PARD3B: variants seen among roughly 807,000 people sequenced by gnomAD.
The protein encoded by PARD3B is partitioning defective 3 homolog B.
PARD3B carries 103 observed loss-of-function variants against 130.2 expected under a neutral mutation model. The ratio of observed to expected loss-of-function variants is 0.79; its 90% CI spans 0.67 to 0.93. The LOEUF (loss-of-function observed/expected upper bound fraction) is 0.93. PARD3B is among the 40% of genes least tolerant of loss of function. The pLI is 0.00. For synonymous variants in PARD3B, 583 were observed against 553.2 expected (o/e 1.05, Z -0.76); for missense variants, 1,609 against 1,499.2 (o/e 1.07, Z -1.21).
rs1232084015 is a variant in PARD3B, at chr2:205,142,206, G to A, written c.1434+16469G>A. On this transcript the variant is annotated intron_variant, in intron 10 of 22. Transcript: ENST00000406610. The surrounding 1 kb of genome is among the most constrained non-coding windows in gnomAD (Gnocchi z 4.3). The stretch of plus-strand genomic sequence containing the variant: ...GGATTTGATAGGTAAGAGTTTGCTA[G>A]TGGGTGGCAAAGCAGGGTAAAGAGA... Among the ~76,000 whole-genome samples the A allele has an allele frequency of 1.3e-5, 2 of 152,206 alleles. No individual in the cohort carries two copies. Among genetic ancestry groups the A allele is most frequent in the Admixed American group, 1.3e-4 (2 of 15,280 alleles).
chr2:205,185,716 AT>A, intron 13 of PARD3B, 47 bp from the exon 14 acceptor site: 1 of 1,517,562 alleles, frequency 6.6e-7, no homozygotes, highest in Non-Finnish European at 9.1e-7. Flanking sequence ...CAGGCATCGA[AT>A]GGTTCTGCTT....
chr2:205,155,867 G>A (rs2125706044), intron 10 of PARD3B, among the ~76,000 whole-genome samples: 1 of 152,174 alleles, frequency 6.6e-6, no homozygotes, highest in African/African-American at 2.4e-5. Flanking sequence ...GTCTGTTCAT[G>A]TCCTTCGCCC....
chr2:204,568,274 A>T (rs1214211891), intron 1 of PARD3B, among the ~76,000 whole-genome samples: 1 of 152,188 alleles, frequency 6.6e-6, no homozygotes, highest in East Asian at 1.9e-4. Flanking sequence ...TTGATTTACA[A>T]ATTTGTTTAC....
At chr2:205,024,311 G>A (rs1002173065) in intron 3 of PARD3B, among the ~76,000 whole-genome samples, 9 of 151,480 alleles carry the variant, frequency 5.9e-5, no homozygotes, top group Non-Finnish European at 1.0e-4. Context: ...GGGATTACAG[G>A]TGCACCCCCA....
Position 205,424,062 on chromosome 2 carries a change from C to G in PARD3B, c.2742-16308C>G, listed in dbSNP as rs556133217. 7.2e-5 allele frequency among the ~76,000 whole-genome samples: 11 copies of G among 152,234 alleles called. No individual in the cohort carries two copies. In the Middle Eastern group the frequency reaches 0.01, roughly 141 times the overall value. On this transcript the variant is annotated intron_variant, in intron 19 of 22. Transcript: ENST00000406610. ...GATTTATCTATTTAACAAACCTGCA[C>G]TTGTACCCCTGAACTTAAAAGTTTT...
chr2:205,548,037 C>A (rs1458439731), intron 21 of PARD3B, among the ~76,000 whole-genome samples: 2 of 152,124 alleles, frequency 1.3e-5, no homozygotes, highest in Non-Finnish European at 2.9e-5. Context: ...GAATTCTTTT[C>A]TTGGTTTCTA....
chr2:204,815,555 C>T (rs887850884), intron 2 of PARD3B, among the ~76,000 whole-genome samples: 2 of 151,892 alleles, frequency 1.3e-5, no homozygotes, highest in Admixed American at 6.6e-5. Flanking sequence ...TTTACCATTT[C>T]CATTTTGCTG....
chr2:205,090,955 A>G (rs994840272), intron 4 of PARD3B, among the ~76,000 whole-genome samples: 8 of 152,334 alleles, frequency 5.3e-5, no homozygotes, highest in Middle Eastern at 3.4e-3. Flanking sequence ...GCCCCAAACA[A>G]TTGCTCAACT....
chr2:205,061,054 C>T (rs1418097714), intron 4 of PARD3B, among the ~76,000 whole-genome samples: 1 of 152,112 alleles, frequency 6.6e-6, no homozygotes, highest in Admixed American at 6.6e-5. Flanking sequence ...ATAATACTCC[C>T]TTTGAGTTCT....
intron 15 of PARD3B, among the ~76,000 whole-genome samples, chr2:205,204,045 C>A (rs1574378427): frequency 6.6e-6 from 1 of 152,168 alleles, no homozygotes; most frequent in Admixed American, 6.5e-5. Flanking sequence ...TCCACAATGG[C>A]TGAACTAATT....
intron 2 of PARD3B, among the ~76,000 whole-genome samples, chr2:204,932,420 A>G (rs538206259): frequency 8.5e-5 from 13 of 152,210 alleles, no homozygotes; most frequent in East Asian, 1.9e-4. Context: ...TCTCTGTTCA[A>G]TTTATATCCT....
At chr2:205,059,043 T>C (rs898823792) in intron 4 of PARD3B, among the ~76,000 whole-genome samples, 1 of 152,002 alleles carries the variant, frequency 6.6e-6, no homozygotes, top group Non-Finnish European at 1.5e-5. Flanking sequence ...TGTTTTCTTC[T>C]AAGAGTTTTA....
In PARD3B at chr2:205,351,931, C is replaced by CA. The variant is rs1318868442; in HGVS notation, c.2631-49081dup. ...TGTCAAGCTACCTGCCTCCCAGGTACACGCGTATTGCTGAGGAAACACAAC... is the reference window on the plus strand; with the variant it reads ...TGTCAAGCTACCTGCCTCCCAGGTACAACGCGTATTGCTGAGGAAACACAAC... On this transcript the variant is annotated intron_variant, in intron 18 of 22. Transcript: ENST00000406610. The surrounding 1 kb of genome is among the most constrained non-coding windows in gnomAD (Gnocchi z 4.2). 1.3e-5 allele frequency among the ~76,000 whole-genome samples: 2 copies of CA among 152,156 alleles called. No homozygotes were observed. Among genetic ancestry groups the CA allele is most frequent in the African/African-American group, 4.8e-5 (2 of 41,422 alleles).
At position 205,122,293 on chromosome 2, in the gene PARD3B, T is replaced by C. The variant is rs1444515623; in HGVS notation, c.1165+344T>C. On this transcript the variant is annotated intron_variant, in intron 8 of 22. Transcript: ENST00000406610. This position sits in a 1 kb window ranked among gnomAD's most constrained non-coding sequence, Gnocchi z 4.3. ...CTGTTCTGAGCACGATTAGTGATTCTTGAAGCATCCTTTAGGCCATGTCCA... is the reference window on the plus strand; with the variant it reads ...CTGTTCTGAGCACGATTAGTGATTCCTGAAGCATCCTTTAGGCCATGTCCA... 6.6e-6 allele frequency among the ~76,000 whole-genome samples: 1 copy of C among 152,224 alleles called. No individual in the cohort carries two copies. The highest frequency in any genetic ancestry group is 2.4e-5 in the African/African-American group (1 of 41,468).
chr2:204,728,777 T>C (rs1204906490), intron 2 of PARD3B, among the ~76,000 whole-genome samples: 1 of 152,226 alleles, frequency 6.6e-6, no homozygotes, highest in African/African-American at 2.4e-5. Context: ...CTTAATCCAC[T>C]CCTGTGATCT....
intron 2 of PARD3B, among the ~76,000 whole-genome samples, chr2:204,939,535 G>A (rs959197707): frequency 1.3e-5 from 2 of 152,154 alleles, no homozygotes; most frequent in Non-Finnish European, 2.9e-5. Flanking sequence ...ACATTATGCT[G>A]TAAAAACAAA....
At chr2:204,847,019 T>C (rs1020779097) in intron 2 of PARD3B, among the ~76,000 whole-genome samples, 1 of 152,086 alleles carries the variant, frequency 6.6e-6, no homozygotes, top group African/African-American at 2.4e-5. Flanking sequence ...TCATAATCTG[T>C]ATATATGCTG....
rs71410805 is a variant in PARD3B at position 205,183,730 on chromosome 2, T to TTGTGTGTGTGTGTGTGTGTGTGTG, written c.1925-2013_1925-1990dup. On this transcript the variant is annotated intron_variant, in intron 13 of 22. Coordinates refer to ENST00000406610, the MANE Select transcript of PARD3B (RefSeq NM_001302769.2). The surrounding 1 kb of genome is among the most constrained non-coding windows in gnomAD (Gnocchi z 5.2). The stretch of plus-strand genomic sequence containing the variant: ...GGTTCTGCAGAGAAACAGAACCAAG[T>TTGTGTGTGTGTGTGTGTGTGTGTG]TGTGTGTGTGTGTGTGTGTGTGTGT... Among the ~76,000 whole-genome samples the TTGTGTGTGTGTGTGTGTGTGTGTG allele has an allele frequency of 7.2e-6, 1 of 138,160 alleles. No homozygotes were observed. The highest frequency in any genetic ancestry group is 1.6e-5 in the Non-Finnish European group (1 of 64,184). 90.6% of individuals were successfully genotyped at this position (138,160 alleles called of 152,430 possible).
At chr2:204,952,996 CA>C (rs5837946) in intron 2 of PARD3B, among the ~76,000 whole-genome samples, 3,366 of 103,482 alleles carry the variant, frequency 0.033, 32 homozygotes, top group African/African-American at 0.051. Flanking sequence ...GACTCAGTCT[CA>C]AAAAAAAAAA....
Sources: gnomAD v4.1 joint callset for allele counts (sites outside exome capture counted in the v4.1 genomes callset) on GRCh38, gnomAD v4.1.1 for gene constraint, Gnocchi (gnomAD v3.1) non-coding constraint, MANE v1.5 for transcripts, NCBI Gene and HGNC (gene_info 2026-07-23, HGNC 2026-07-21) for gene names.